DNAJC8: variants seen among roughly 807,000 people sequenced by gnomAD.
DNAJC8 encodes the protein DnaJ heat shock protein family (Hsp40) member C8.
A neutral mutation model predicts 43.2 loss-of-function variants in DNAJC8; 24 were observed. The ratio of observed to expected loss-of-function variants is 0.56; its 90% CI spans 0.40 to 0.78. The LOEUF (loss-of-function observed/expected upper bound fraction) is 0.78, where lower values mean the gene tolerates loss of function less well. DNAJC8 is among the 30% of genes least tolerant of loss of function. The pLI, the probability that DNAJC8 is intolerant of heterozygous loss-of-function variation, is 0.00. For synonymous variants in DNAJC8, 83 were observed against 98.0 expected (o/e 0.85, Z 0.90); for missense variants, 207 against 299.4 (o/e 0.69, Z 2.28).
At chr1:28,215,323 CT>C (rs1421059739) in intron 2 of DNAJC8, among the ~76,000 whole-genome samples, 4 of 152,074 alleles carry the variant, frequency 2.6e-5, no homozygotes, top group African/African-American at 4.8e-5. Context: ...TTAACTCCCC[CT>C]CCCTTTATTT....
intron 8 of DNAJC8, among the ~76,000 whole-genome samples, chr1:28,202,583 T>A (rs1646743720): frequency 8.3e-6 from 1 of 120,496 alleles, no homozygotes; most frequent in Non-Finnish European, 1.8e-5. Context: ...CCGGCCTTTT[T>A]TTTTCTTTTT....
chr1:28,201,913 C>T (rs1646736277), intron 8 of DNAJC8, among the ~76,000 whole-genome samples: 1 of 150,496 alleles, frequency 6.6e-6, no homozygotes, highest in Admixed American at 6.6e-5. Flanking sequence ...TATGGAGAAA[C>T]CCCATCTCTA....
intron 6 of DNAJC8, 34 bp downstream of exon 6, chr1:28,208,308 C>G: frequency 6.4e-7 from 1 of 1,563,060 alleles, no homozygotes; most frequent in South Asian, 1.2e-5. Flanking sequence ...CACAATCACA[C>G]AAGATACAGT....
chr1:28,232,416 C>G (rs965225287), intron 1 of DNAJC8, among the ~76,000 whole-genome samples: 1 of 152,222 alleles, frequency 6.6e-6, no homozygotes, highest in Non-Finnish European at 1.5e-5. Context: ...AAGCTGTAAC[C>G]TACTGTAAGG....
chr1:28,207,564 C>T (rs1163159719), intron 6 of DNAJC8, among the ~76,000 whole-genome samples: 6 of 150,562 alleles, frequency 4.0e-5, no homozygotes, highest in Non-Finnish European at 8.9e-5. Context: ...CTGCCTCAGC[C>T]TCTCGGGTAG....
chr1:28,226,445 G>A (rs1461571308), intron 2 of DNAJC8, among the ~76,000 whole-genome samples: 2 of 151,442 alleles, frequency 1.3e-5, no homozygotes, highest in East Asian at 3.9e-4. Flanking sequence ...AGAGGTTGCG[G>A]TGAGCCGAGA....
chr1:28,227,517 A>C (rs1412006158), intron 2 of DNAJC8, among the ~76,000 whole-genome samples: 1 of 142,820 alleles, frequency 7.0e-6, no homozygotes, highest in Non-Finnish European at 1.6e-5. Context: ...GTTTGAACCC[A>C]GGAGTTCAAG....
Position 28,225,901 on chromosome 1 carries a change from G to A in DNAJC8, c.180+3021C>T, listed in dbSNP as rs12119797. On this transcript the variant is annotated intron_variant, in intron 2 of 8. Coordinates refer to ENST00000263697, the MANE Select transcript of DNAJC8 (RefSeq NM_014280.3). ...ATTATTTTTGTGGAGATGGGGTTTC[G>A]CCATGTTGGCCAGGCTGGTCTCAAA... Among the ~76,000 whole-genome samples, 22 of 150,238 alleles carry A rather than the reference G, an allele frequency of 1.5e-4. 3 individuals carry two copies. The highest frequency in any genetic ancestry group is 3.3e-4 in the Admixed American group (5 of 15,044).
intron 8 of DNAJC8, among the ~76,000 whole-genome samples, chr1:28,203,232 C>T (rs895725410): frequency 7.9e-5 from 12 of 152,130 alleles, no homozygotes; most frequent in African/African-American, 2.9e-4. Context: ...AAGAAAAGAC[C>T]GAATGTTGCC....
In DNAJC8 at chr1:28,215,007, C is replaced by A; in HGVS notation, c.181-11G>T. ...ATCTATCTGAAGAACCTGGAAGTAT[C>A]AAAATCAAAACCATAAAAAAGGTGA... On this transcript the variant is annotated splice_polypyrimidine_tract_variant and intron_variant, in intron 2 of 8. Transcript: ENST00000263697. The A allele has an allele frequency of 6.3e-7, 1 of 1,597,444 alleles. No homozygotes were observed. Among genetic ancestry groups the A allele is most frequent in the South Asian group, 1.1e-5 (1 of 87,938 alleles).
At chr1:28,210,287 C>A in intron 4 of DNAJC8, 1 of 569,982 alleles carries the variant, frequency 1.8e-6, no homozygotes, top group Non-Finnish European at 3.1e-6. Context: ...TACACTACAT[C>A]TGGATTTAAT....
chr1:28,219,333 A>G (rs563761), intron 2 of DNAJC8, among the ~76,000 whole-genome samples: 63,131 of 151,860 alleles, frequency 0.42, 14,631 homozygotes, highest in African/African-American at 0.62. Flanking sequence ...ACGGTGAAAC[A>G]TCATCTCTAC....
intron 8 of DNAJC8, 99 bp downstream of exon 8, chr1:28,203,648 C>T (rs549748614): frequency 5.1e-6 from 6 of 1,178,600 alleles, no homozygotes; most frequent in African/African-American, 1.5e-5. Context: ...CCCCACATAT[C>T]CCACTCCCCT....
chr1:28,214,214 C>T (rs1646835431), intron 3 of DNAJC8, among the ~76,000 whole-genome samples: 1 of 152,006 alleles, frequency 6.6e-6, no homozygotes, highest in Admixed American at 6.6e-5. Flanking sequence ...CCAGTTATCT[C>T]TTAGGTATTC....
chr1:28,208,004 C>T (rs1300708940), intron 6 of DNAJC8, among the ~76,000 whole-genome samples: 6 of 151,974 alleles, frequency 3.9e-5, no homozygotes, highest in South Asian at 2.1e-4. Context: ...GTCAGGAGTT[C>T]GAGACCAGAC....
chr1:28,204,984 C>T (rs1646759310), intron 7 of DNAJC8, among the ~76,000 whole-genome samples: 1 of 152,178 alleles, frequency 6.6e-6, no homozygotes, highest in Non-Finnish European at 1.5e-5. Context: ...GATCGCACCA[C>T]TGCATTCCAG....
chr1:28,202,993 T>A (rs1324486791), intron 8 of DNAJC8, among the ~76,000 whole-genome samples: 1 of 152,220 alleles, frequency 6.6e-6, no homozygotes, highest in African/African-American at 2.4e-5. Flanking sequence ...CTAAAAGCCA[T>A]ACAGCTAGCT....
chr1:28,208,774 T>G (rs1270279869), intron 5 of DNAJC8: 1 of 157,610 alleles, frequency 6.3e-6, no homozygotes, highest in Non-Finnish European at 1.4e-5. Flanking sequence ...CAAATATATC[T>G]GTCAAGTTTT....
chr1:28,221,584 C>G (rs933232472), intron 2 of DNAJC8, among the ~76,000 whole-genome samples: 1 of 152,152 alleles, frequency 6.6e-6, no homozygotes, highest in African/African-American at 2.4e-5. Flanking sequence ...CCCTTCTCAT[C>G]CATCAGGTCC....
Sources: allele counts gnomAD v4.1 joint callset (sites outside exome capture counted in the v4.1 genomes callset), GRCh38; gene constraint gnomAD v4.1.1; transcripts MANE v1.5; gene names NCBI Gene and HGNC (gene_info 2026-07-23, HGNC 2026-07-21).